Variants in ADK observed in about 807,000 individuals in gnomAD.
ADK encodes the protein N6,N6-dimethyladenosine kinase.
In ADK, 24 loss-of-function variants were observed where a neutral mutation model predicts 44.7. The observed-to-expected ratio is 0.54, with a 90% CI of 0.39 to 0.76. The LOEUF (loss-of-function observed/expected upper bound fraction) is 0.76. ADK is among the 30% of genes least tolerant of loss of function. The pLI, the probability that ADK is intolerant of heterozygous loss-of-function variation, is 0.00. For synonymous variants in ADK, 128 were observed against 142.6 expected, an observed-to-expected ratio of 0.90 and a Z score of 0.73; for missense variants, 321 against 425.1, an observed-to-expected ratio of 0.76 and a Z score of 2.15.
intron 6 of ADK, among the ~76,000 whole-genome samples, chr10:74,486,984 T>G (rs966370435): frequency 3.4e-4 from 51 of 152,124 alleles, no homozygotes; most frequent in African/African-American, 7.2e-5. Context: ...CACTGGATCT[T>G]TTTTGGAATA....
chr10:74,677,877 C>A (rs1855450836), intron 10 of ADK, among the ~76,000 whole-genome samples: 4 of 141,902 alleles, frequency 2.8e-5, no homozygotes, highest in Admixed American at 2.3e-4. Flanking sequence ...CCTGTAATCC[C>A]AACACTTTGG....
intron 6 of ADK, among the ~76,000 whole-genome samples, chr10:74,441,147 A>G (rs1032412418): frequency 3.3e-5 from 5 of 152,226 alleles, no homozygotes; most frequent in South Asian, 2.1e-4. Flanking sequence ...AAACACATAT[A>G]CACAAAGCAA....
chr10:74,587,823 T>G (rs559372789), intron 7 of ADK, among the ~76,000 whole-genome samples: 14 of 152,092 alleles, frequency 9.2e-5, no homozygotes, highest in African/African-American at 3.4e-4. Context: ...AATTAAAGTA[T>G]AAGCACAAAG....
intron 7 of ADK, among the ~76,000 whole-genome samples, chr10:74,546,576 G>C (rs370144391): frequency 6.6e-6 from 1 of 152,022 alleles, no homozygotes; most frequent in Non-Finnish European, 1.5e-5. Flanking sequence ...ATCTGAAAAG[G>C]TTACTTGTAC....
At chr10:74,167,703 A>G (rs944863210) in intron 1 of ADK, among the ~76,000 whole-genome samples, 3 of 152,160 alleles carry the variant, frequency 2.0e-5, no homozygotes, top group African/African-American at 4.8e-5. Context: ...CACCTTCACT[A>G]TACACTATTG....
chr10:74,475,117 CCAT>C (rs1430130795), intron 6 of ADK, among the ~76,000 whole-genome samples: 1 of 151,830 alleles, frequency 6.6e-6, no homozygotes, highest in Non-Finnish European at 1.5e-5. Context: ...GAGCAAGACT[CCAT>C]CTCAAAAAAA....
intron 6 of ADK, among the ~76,000 whole-genome samples, chr10:74,484,096 T>C (rs1246932961): frequency 6.6e-6 from 1 of 152,220 alleles, no homozygotes; most frequent in Non-Finnish European, 1.5e-5. Context: ...CGTACTGCTA[T>C]AAAGAACTAC....
At chr10:74,499,686 T>C (rs1008521893) in intron 6 of ADK, among the ~76,000 whole-genome samples, 3 of 149,534 alleles carry the variant, frequency 2.0e-5, no homozygotes, top group African/African-American at 7.4e-5. Flanking sequence ...AGACTCCATC[T>C]CAAAAAAAAA....
Position 74,517,965 on chromosome 10 carries a change from G to A in ADK, c.556-7291G>A, listed in dbSNP as rs114804503. ...ATACATTATCTTAATCGTTGTCAGG[G>A]CCAACGTTTTTCTTACAAGCAGATA... On this transcript the variant is annotated intron_variant, in intron 6 of 10. Transcript: ENST00000539909. Among the ~76,000 whole-genome samples the A allele has an allele frequency of 4.6e-3, 701 of 152,150 alleles. 8 individuals carry two copies. The highest frequency in any genetic ancestry group is 0.016 in the African/African-American group (673 of 41,502).
intron 10 of ADK, among the ~76,000 whole-genome samples, chr10:74,706,760 C>T (rs1168755640): frequency 6.6e-6 from 1 of 152,108 alleles, no homozygotes; most frequent in Admixed American, 6.5e-5. Flanking sequence ...TTAGAAGCAG[C>T]TTGTCAGTTT....
At chr10:74,588,777 G>A (rs1288164706) in intron 7 of ADK, among the ~76,000 whole-genome samples, 1 of 152,082 alleles carries the variant, frequency 6.6e-6, no homozygotes, top group African/African-American at 2.4e-5. Context: ...TTGATTCCAT[G>A]GAAATACCCA....
intron 3 of ADK, among the ~76,000 whole-genome samples, chr10:74,283,316 T>C (rs114116263): frequency 0.012 from 1,789 of 151,944 alleles, 42 homozygotes; most frequent in African/African-American, 0.041. Context: ...AAAAGTAATC[T>C]ATGTTAGCTT....
At chr10:74,679,430 G>A (rs1467540957) in intron 10 of ADK, among the ~76,000 whole-genome samples, 1 of 152,098 alleles carries the variant, frequency 6.6e-6, no homozygotes, top group Non-Finnish European at 1.5e-5. Flanking sequence ...TTTTAAAAAT[G>A]TTCTTATCTA....
chr10:74,323,593 T>C (rs11000990), intron 4 of ADK, among the ~76,000 whole-genome samples: 95,751 of 148,456 alleles, frequency 0.64, 32,266 homozygotes, highest in Middle Eastern at 0.8. Context: ...TTTTTTGAGA[T>C]GGAGTCTCGC....
intron 3 of ADK, among the ~76,000 whole-genome samples, chr10:74,234,552 A>G (rs921335762): frequency 6.6e-6 from 1 of 152,172 alleles, no homozygotes; most frequent in African/African-American, 2.4e-5. Flanking sequence ...TTTTCATGGA[A>G]ATTATATTTT....
chr10:74,655,238 G>A lies in ADK; in HGVS notation c.878-14945G>A, dbSNP rs1001560956. 2.2e-5 allele frequency: 9 copies of A among 404,808 alleles called. No homozygotes were observed. The Admixed American group carries it at 2.6e-4, about 12-fold the overall frequency. 25.1% of individuals were successfully genotyped at this position (404,808 alleles called of 1,614,324 possible). Reference sequence around the variant, plus strand: ...ATGGACAGAGACAGGTGCATGGACAGGGATGAGGCCACCCAGAAGTGATCC... The same window carrying A: ...ATGGACAGAGACAGGTGCATGGACAAGGATGAGGCCACCCAGAAGTGATCC... On this transcript the variant is annotated intron_variant, in intron 9 of 10. Coordinates refer to ENST00000539909, the MANE Select transcript of ADK (RefSeq NM_006721.4).
chr10:74,513,053 G>T (rs1176240789), intron 6 of ADK, among the ~76,000 whole-genome samples: 1 of 151,954 alleles, frequency 6.6e-6, no homozygotes, highest in African/African-American at 2.4e-5. Flanking sequence ...TAATTTTCAT[G>T]TAATGGTATA....
intron 9 of ADK, among the ~76,000 whole-genome samples, chr10:74,611,712 G>A (rs967734693): frequency 6.6e-6 from 1 of 151,130 alleles, no homozygotes; most frequent in South Asian, 2.1e-4. Flanking sequence ...ACTTATAAGT[G>A]AGATTGTGGA....
chr10:74,700,174 A>G (rs1374171440), intron 10 of ADK, among the ~76,000 whole-genome samples: 1 of 152,360 alleles, frequency 6.6e-6, no homozygotes, highest in African/African-American at 2.4e-5. Context: ...GTATTTATAC[A>G]TGGAGATACT....
Sources: gnomAD v4.1 joint callset for allele counts (sites outside exome capture counted in the v4.1 genomes callset) on GRCh38, gnomAD v4.1.1 for gene constraint, MANE v1.5 for transcripts, NCBI Gene and HGNC (gene_info 2026-07-23, HGNC 2026-07-21) for gene names.